Variants in NXNL2 observed in about 807,000 individuals in gnomAD.
NXNL2 encodes the protein nucleoredoxin like 2.
A neutral mutation model predicts 11.1 loss-of-function variants in NXNL2; 7 were observed. The ratio of observed to expected loss-of-function variants is 0.63; its 90% CI spans 0.36 to 1.18. The LOEUF (loss-of-function observed/expected upper bound fraction) is 1.18, where lower values mean the gene tolerates loss of function less well. Among genes scored for constraint, NXNL2 ranks in the 50% most tolerant of loss-of-function variants. NXNL2 has a pLI of 0.02. For synonymous variants in NXNL2, 109 were observed against 101.8 expected (o/e 1.07, Z -0.42); for missense variants, 233 against 217.7 (o/e 1.07, Z -0.44).
chr9:88,572,974 C>G (rs1830295135), intron 2 of NXNL2, among the ~76,000 whole-genome samples: 1 of 152,178 alleles, frequency 6.6e-6, no homozygotes, highest in African/African-American at 2.4e-5. Flanking sequence ...AATTAGCACC[C>G]TGTGTGGGCC....
intron 1 of NXNL2, among the ~76,000 whole-genome samples, chr9:88,556,063 C>A (rs963420662): frequency 1.6e-4 from 24 of 152,212 alleles, no homozygotes; most frequent in African/African-American, 5.8e-4. Flanking sequence ...GGAGACACAG[C>A]AACCCTGGAG....
At chr9:88,557,035 C>T (rs770993401) in intron 1 of NXNL2, among the ~76,000 whole-genome samples, 29 of 133,276 alleles carry the variant, frequency 2.2e-4, no homozygotes, top group Non-Finnish European at 3.5e-4. Context: ...GAGCCAAGAT[C>T]ATGCCACTGC....
At chr9:88,546,018 C>T (rs1474921791), downstream of NXNL2, among the ~76,000 whole-genome samples, 16 of 152,220 alleles carry the variant, frequency 1.1e-4, no homozygotes, top group East Asian at 7.8e-4. Context: ...CCACCCGCCT[C>T]GGCCTCCCAA....
At position 88,544,365 on chromosome 9, in the gene NXNL2, C is replaced by T. The variant is rs1384222623; in HGVS notation, c.303-14C>T. 1 of 1,550,764 alleles carries T rather than the reference C, an allele frequency of 6.4e-7. No individual in the cohort carries two copies. The highest frequency in any genetic ancestry group is 8.7e-7 in the Non-Finnish European group (1 of 1,146,106). ...TGGGAGTGCTAACTTCGGTACCACT[C>T]TTCTGTCCTGCAGTGAGCTGAGGAA... On this transcript the variant is annotated splice_polypyrimidine_tract_variant and intron_variant, in intron 1 of 1. Coordinates refer to ENST00000375854, the MANE Select transcript of NXNL2 (RefSeq NM_001161625.2).
chr9:88,578,398 G>T (rs1283881722), downstream of NXNL2, among the ~76,000 whole-genome samples: 1 of 152,210 alleles, frequency 6.6e-6, no homozygotes, highest in Non-Finnish European at 1.5e-5. Context: ...TGTGAATTTG[G>T]ATACAAGCAA....
intron 1 of NXNL2, among the ~76,000 whole-genome samples, chr9:88,554,752 A>C (rs1412049244): frequency 6.6e-6 from 1 of 152,202 alleles, no homozygotes; most frequent in African/African-American, 2.4e-5. Context: ...TCTCGTTTAC[A>C]TATCTCACCT....
downstream of NXNL2, among the ~76,000 whole-genome samples, chr9:88,546,206 T>C (rs1291723256): frequency 1.3e-5 from 2 of 149,760 alleles, no homozygotes; most frequent in African/African-American, 5.0e-5. Flanking sequence ...TTTTAAAAGG[T>C]AGAGAAACGG....
At chr9:88,535,822 C>T in intron 1 of NXNL2, 86 bp downstream of exon 1, 2 of 1,037,770 alleles carry the variant, frequency 1.9e-6, no homozygotes, top group Non-Finnish European at 2.7e-6. Flanking sequence ...CTGGGGAGCT[C>T]TTTATGACGC....
downstream of NXNL2, among the ~76,000 whole-genome samples, chr9:88,577,813 A>G (rs1365816308): frequency 6.6e-6 from 1 of 152,216 alleles, no homozygotes; most frequent in Non-Finnish European, 1.5e-5. Context: ...TTAGGGCATC[A>G]ACATATGAAC....
At chr9:88,536,107 C>T (rs1160692832) in intron 1 of NXNL2, among the ~76,000 whole-genome samples, 1 of 152,174 alleles carries the variant, frequency 6.6e-6, no homozygotes, top group Non-Finnish European at 1.5e-5. Context: ...GCCCAATCAG[C>T]CCTGGACTCC....
chr9:88,579,645 C>T (rs1830387629), downstream of NXNL2, among the ~76,000 whole-genome samples: 1 of 152,158 alleles, frequency 6.6e-6, no homozygotes. Flanking sequence ...TTGGGCCACA[C>T]ACCTCTTTTC....
rs539591012 is a variant in NXNL2, at chr9:88,561,989, A to G, written c.303-9098A>G. On this transcript the variant is annotated intron_variant, in intron 1 of 2. Coordinates refer to the NXNL2 transcript ENST00000375855. The stretch of plus-strand genomic sequence containing the variant: ...TCCTATGTTACCCAAAGACACGACC[A>G]GGAATGTGCATAGCAGCACTAGTTG... Among the ~76,000 whole-genome samples, 6 of 152,348 alleles carry G rather than the reference A, an allele frequency of 3.9e-5. No homozygotes were observed. The South Asian group carries it at 1.2e-3, about 32-fold the overall frequency.
chr9:88,546,233 G>A (rs1269150522), downstream of NXNL2, among the ~76,000 whole-genome samples: 1 of 151,716 alleles, frequency 6.6e-6, no homozygotes, highest in African/African-American at 2.4e-5. Flanking sequence ...TGGTAAACGT[G>A]CTTGTAACTG....
At chr9:88,556,338 G>T (rs1305593726) in intron 1 of NXNL2, among the ~76,000 whole-genome samples, 1 of 152,130 alleles carries the variant, frequency 6.6e-6, no homozygotes, top group Non-Finnish European at 1.5e-5. Flanking sequence ...GTGGGTCTTG[G>T]GTTCTTGTCC....
chr9:88,545,774 C>CT (rs1205089856), downstream of NXNL2, among the ~76,000 whole-genome samples: 4 of 151,112 alleles, frequency 2.6e-5, no homozygotes, highest in Non-Finnish European at 5.9e-5. Flanking sequence ...TTTTTCTTTT[C>CT]TTTTTTTTTG....
At chr9:88,561,534 C>A (rs995525598) in intron 1 of NXNL2, among the ~76,000 whole-genome samples, 3 of 152,022 alleles carry the variant, frequency 2.0e-5, no homozygotes, top group Admixed American at 2.0e-4. Flanking sequence ...CTAGGAGAAC[C>A]CTGACTAATA....
At chr9:88,548,339 C>CAAAAAA (rs60796870), downstream of NXNL2, among the ~76,000 whole-genome samples, 9 of 31,068 alleles carry the variant, frequency 2.9e-4, 1 homozygote, top group African/African-American at 9.8e-4. Context: ...GACTTTTTCT[C>CAAAAAA]AAAAAAAAAA....
At chr9:88,554,873 TCA>T (rs954102683) in intron 1 of NXNL2, among the ~76,000 whole-genome samples, 9 of 152,272 alleles carry the variant, frequency 5.9e-5, no homozygotes, top group African/African-American at 2.2e-4. Context: ...GGAGACTGAG[TCA>T]CGTAGCATGT....
chr9:88,572,451 C>T (rs1830285209), intron 2 of NXNL2, among the ~76,000 whole-genome samples: 1 of 152,176 alleles, frequency 6.6e-6, no homozygotes, highest in Non-Finnish European at 1.5e-5. Flanking sequence ...GTAGCGGCTC[C>T]TCCTGCAGCT....
Sources: allele counts gnomAD v4.1 joint callset (sites outside exome capture counted in the v4.1 genomes callset), GRCh38; gene constraint gnomAD v4.1.1; transcripts MANE v1.5; gene names NCBI Gene and HGNC (gene_info 2026-07-23, HGNC 2026-07-21).